The following ZP3 variants were observed in gnomAD, a reference collection of about 807,000 sequenced individuals.
The protein encoded by ZP3 is zona pellucida sperm-binding protein 3.
A neutral mutation model predicts 35.6 loss-of-function variants in ZP3; 21 were observed. That is an observed-to-expected ratio of 0.59 (90% CI 0.42 to 0.85). ZP3 has a LOEUF of 0.85. Ranked by LOEUF, ZP3 falls within the 40% of genes least tolerant of loss-of-function variation. ZP3 has a pLI of 0.00. For missense variants in ZP3, 437 were observed against 536.5 expected, an observed-to-expected ratio of 0.81 and a Z score of 1.83; for synonymous variants, 207 against 214.5, an observed-to-expected ratio of 0.96 and a Z score of 0.31.
rs554614449 is a variant in ZP3 at position 76,441,415 on chromosome 7, G to T, written c.1061-427G>T. Among the ~76,000 whole-genome samples the T allele has an allele frequency of 4.2e-3, 634 of 151,702 alleles. 2 individuals carry two copies. The highest frequency in any genetic ancestry group is 0.014 in the African/African-American group (587 of 41,252). The stretch of plus-strand genomic sequence containing the variant: ...TCCCCCTCCCCTGCACCAAGATGGT[G>T]TCTAGCTCTGTCCTCCAGGCTGGAG... On this transcript the variant is annotated intron_variant, in intron 7 of 7. Coordinates refer to ENST00000394857, the MANE Select transcript of ZP3 (RefSeq NM_001110354.2).
At chr7:76,416,507 G>A (rs1476868657) in intron 1 of ZP3, among the ~76,000 whole-genome samples, 1 of 151,308 alleles carries the variant, frequency 6.6e-6, no homozygotes, top group Non-Finnish European at 1.5e-5. Context: ...GGTGAAACAG[G>A]CTATAAATTT....
Position 76,435,903 on chromosome 7 carries a change from C to G in ZP3, c.831+1748C>G, listed in dbSNP as rs190105380. 3.7e-3 allele frequency among the ~76,000 whole-genome samples: 559 copies of G among 152,076 alleles called. 1 individual carries two copies. The highest frequency in any genetic ancestry group is 0.013 in the African/African-American group (540 of 41,472). ...CCATGCCCGGCTAATCCTTGTATTT[C>G]TTAGTAGAGACAGGGATTCATCATT... On this transcript the variant is annotated intron_variant, in intron 5 of 7. Transcript: ENST00000394857.
chr7:76,400,346 T>C lies in ZP3; in HGVS notation c.-67+2549T>C. 6 of 1,534,154 alleles carry C rather than the reference T, an allele frequency of 3.9e-6. No individual in the cohort carries two copies. In the Admixed American group the frequency reaches 6.2e-5, roughly 16 times the overall value. ...CAATTGTGGACGCCCCAGCCGCGGC[T>C]GCCGCACTCGCTCAGCGCAGCTTCC... On this transcript the variant is annotated intron_variant, in intron 1 of 8. Transcript: ENST00000336517.
At chr7:76,404,165 T>A in intron 1 of ZP3, 1 of 1,260,776 alleles carries the variant, frequency 7.9e-7, no homozygotes, top group East Asian at 2.7e-5. Context: ...TTAGCTCTTT[T>A]GTCAACTCTG....
At chr7:76,412,855 GA>G (rs1336494121) in intron 1 of ZP3, among the ~76,000 whole-genome samples, 121 of 121,278 alleles carry the variant, frequency 1.0e-3, no homozygotes, top group Non-Finnish European at 9.9e-4. Flanking sequence ...GTCTCAGAAA[GA>G]AAAAAAAAAA....
At chr7:76,397,859 G>A in intron 1 of ZP3, 2 of 1,501,640 alleles carry the variant, frequency 1.3e-6, no homozygotes, top group Non-Finnish European at 8.9e-7. Context: ...GGGTCAGGGC[G>A]CATCTCCCAC....
chr7:76,413,432 T>A (rs972761827), intron 1 of ZP3, among the ~76,000 whole-genome samples: 1 of 151,206 alleles, frequency 6.6e-6, no homozygotes, highest in Admixed American at 6.6e-5. Flanking sequence ...CTTGCTAATT[T>A]CTGTATTTTT....
intron 1 of ZP3, among the ~76,000 whole-genome samples, chr7:76,418,892 A>T (rs1805442734): frequency 6.6e-6 from 1 of 152,078 alleles, no homozygotes; most frequent in African/African-American, 2.4e-5. Flanking sequence ...ACATCTTTGC[A>T]TTGGAGTTAT....
intron 1 of ZP3, among the ~76,000 whole-genome samples, chr7:76,415,991 G>A (rs1435202556): frequency 1.3e-5 from 2 of 151,546 alleles, no homozygotes; most frequent in Admixed American, 1.3e-4. Context: ...TTAGCCGGGT[G>A]TGGTGTTGCA....
chr7:76,424,815 A>T (rs1169038677), upstream of ZP3: 4 of 657,078 alleles, frequency 6.1e-6, no homozygotes, highest in Non-Finnish European at 7.6e-6. Flanking sequence ...GGTGTTACTG[A>T]TGCTTCTGGA....
At chr7:76,423,022 AGAG>A (rs1563695395), upstream of ZP3, among the ~76,000 whole-genome samples, 16 of 90,616 alleles carry the variant, frequency 1.8e-4, no homozygotes, top group African/African-American at 2.7e-4. Context: ...AGAGAGAGAG[AGAG>A]AGAAAGAAAG....
Position 76,426,874 on chromosome 7 carries a change from C to CCACACACACACACACACACACACACACA in ZP3, c.312+1605_312+1632dup, listed in dbSNP as rs369991319. 1.6e-4 allele frequency among the ~76,000 whole-genome samples: 20 copies of CCACACACACACACACACACACACACACA among 126,754 alleles called. 1 individual carries two copies. The highest frequency in any genetic ancestry group is 2.8e-4 in the South Asian group (1 of 3,554). 83.2% of individuals were successfully genotyped at this position (126,754 alleles called of 152,430 possible). A position where few individuals can be genotyped will look rare whatever the true frequency, so the allele number is the denominator to read the frequency against. On this transcript the variant is annotated intron_variant, in intron 1 of 7. Transcript: ENST00000394857. ...ATGAGACCCCCTTCTCTACCAAACA[C>CCACACACACACACACACACACACACACA]CACACACACACACACACACACACAC...
chr7:76,433,566 G>T lies in ZP3; in HGVS notation c.632G>T (p.Arg211Leu). 2 of 1,614,190 alleles carry T rather than the reference G, an allele frequency of 1.2e-6. No individual in the cohort carries two copies. Among genetic ancestry groups the T allele is most frequent in the Non-Finnish European group, 1.7e-6 (2 of 1,180,030 alleles). The stretch of plus-strand genomic sequence containing the variant: ...CACACTGGCAGCCACGTGCCACTGC[G>T]GTTGTTTGTGGACCACTGCGTGGCC... ...EIHTGSHVPL[R>L]LFVDHCVATP... Residue 211 changes from arginine (R) to leucine (L), a missense_variant, in exon 4 of 8, where the codon CGG becomes CTG. Around this residue, in one of 6 missense-constraint regions of ZP3, gnomAD observed 352 missense variants for 308.4 expected, o/e 1.14. Transcript: ENST00000394857.
At chr7:76,433,688 A>G (rs1195016343) in intron 4 of ZP3, 41 bp downstream of exon 4, 3 of 1,554,704 alleles carry the variant, frequency 1.9e-6, no homozygotes, top group Non-Finnish European at 2.6e-6. Context: ...TTCCTAGCAA[A>G]ATGACCCTAA....
chr7:76,401,092 T>A (rs1804811928), intron 1 of ZP3: 1 of 1,494,074 alleles, frequency 6.7e-7, no homozygotes, highest in South Asian at 1.3e-5. Flanking sequence ...ACACCATGGC[T>A]CCCTGGTCCC....
intron 1 of ZP3, among the ~76,000 whole-genome samples, chr7:76,410,113 T>G (rs1805202023): frequency 6.6e-6 from 1 of 151,658 alleles, no homozygotes; most frequent in African/African-American, 2.4e-5. Context: ...GCTCCCTGCA[T>G]CCTCCGCCTC....
intron 7 of ZP3, 86 bp from the exon 8 acceptor site, chr7:76,441,756 T>C: frequency 7.7e-7 from 1 of 1,303,272 alleles, no homozygotes. Flanking sequence ...CATATTAGTT[T>C]AGCCCACTGA....
chr7:76,435,166 G>GA (rs1349407886), intron 5 of ZP3, among the ~76,000 whole-genome samples: 2 of 152,292 alleles, frequency 1.3e-5, no homozygotes, highest in South Asian at 4.1e-4. Flanking sequence ...TTAACACGGT[G>GA]AAACCCCCTC....
chr7:76,398,881 C>A, intron 1 of ZP3: 1 of 1,416,292 alleles, frequency 7.1e-7, no homozygotes, highest in Non-Finnish European at 9.8e-7. Context: ...GGAGGATGGA[C>A]CCATAAGGTG....
Sources: gnomAD v4.1 joint callset for allele counts (sites outside exome capture counted in the v4.1 genomes callset) on GRCh38, gnomAD v4.1.1 for gene constraint, gnomAD v4.1.1 regional missense constraint, MANE v1.5 for transcripts, NCBI Gene and HGNC (gene_info 2026-07-23, HGNC 2026-07-21) for gene names.